FGL1: variants seen among roughly 807,000 people sequenced by gnomAD.
FGL1 encodes fibrinogen-like protein 1.
Under a neutral mutation model 43.7 loss-of-function variants are expected in FGL1, and 59 were observed. That is an observed-to-expected ratio of 1.35 (90% CI 1.10 to 1.68). The LOEUF (loss-of-function observed/expected upper bound fraction) is 1.68, where lower values mean the gene tolerates loss of function less well. Among genes scored for constraint, FGL1 ranks in the 40% most tolerant of loss-of-function variants. FGL1 has a pLI of 0.00. For missense variants in FGL1, 596 were observed against 373.0 expected (o/e 1.60, Z -4.92); for synonymous variants, 192 against 126.5 (o/e 1.52, Z -3.48).
At chr8:17,892,153 T>A (rs1379463756) in intron 1 of FGL1, among the ~76,000 whole-genome samples, 1 of 152,218 alleles carries the variant, frequency 6.6e-6, no homozygotes, top group African/African-American at 2.4e-5. Context: ...CTATCTAATT[T>A]TAAAATTTAT....
At chr8:17,881,871 T>G in intron 3 of FGL1, 128 bp downstream of exon 3, 1 of 758,140 alleles carries the variant, frequency 1.3e-6, no homozygotes, top group South Asian at 2.2e-5. Context: ...AAGAAGACAT[T>G]TACAATAGAT....
At chr8:17,872,969 G>A (rs949086710) in intron 5 of FGL1, among the ~76,000 whole-genome samples, 2 of 152,164 alleles carry the variant, frequency 1.3e-5, no homozygotes, top group African/African-American at 4.8e-5. Flanking sequence ...AAAGTAAAAT[G>A]TTAATGTAGG....
chr8:17,879,997 G>C (rs1232785693), intron 3 of FGL1, among the ~76,000 whole-genome samples: 9 of 152,178 alleles, frequency 5.9e-5, no homozygotes. Context: ...CCTCGCCCTT[G>C]AGATCAGCTT....
chr8:17,875,741 A>T (rs983829186), intron 3 of FGL1, among the ~76,000 whole-genome samples: 2 of 151,944 alleles, frequency 1.3e-5, no homozygotes, highest in Non-Finnish European at 2.9e-5. Flanking sequence ...AGTAGCTGGG[A>T]TCACAGCCAC....
rs1029511212 is a variant in FGL1, at chr8:17,875,960, T to C, written c.245-1439A>G. ...TGAGGGTGATGTAAATTAATACCCA[T>C]TGGGTCTCACCTAGGTTGATCTGTA... On this transcript the variant is annotated intron_variant, in intron 3 of 7. Transcript: ENST00000427924. 3.3e-5 allele frequency among the ~76,000 whole-genome samples: 5 copies of C among 152,080 alleles called. No individual in the cohort carries two copies. In the East Asian group the frequency reaches 5.8e-4, roughly 18 times the overall value.
chr8:17,880,779 G>T (rs138452708), intron 3 of FGL1, among the ~76,000 whole-genome samples: 91 of 152,282 alleles, frequency 6.0e-4, no homozygotes, highest in African/African-American at 2.0e-3. Context: ...TACTCTAAAA[G>T]ATACCTTTTA....
intron 1 of FGL1, among the ~76,000 whole-genome samples, chr8:17,889,186 G>A (rs530734251): frequency 1.3e-5 from 2 of 152,268 alleles, no homozygotes; most frequent in African/African-American, 2.4e-5. Context: ...CAAGTCTAAC[G>A]TGGATTGGAA....
At chr8:17,866,102 C>G (rs1221570281) in intron 7 of FGL1, among the ~76,000 whole-genome samples, 1 of 152,150 alleles carries the variant, frequency 6.6e-6, no homozygotes, top group Admixed American at 6.5e-5. Flanking sequence ...CATCTGCTAA[C>G]TATATTTTTA....
intron 3 of FGL1, among the ~76,000 whole-genome samples, chr8:17,875,511 CTTTCTTTCTTTCTTTCTTTCTTTCT>C (rs2053433948): frequency 7.3e-4 from 6 of 8,258 alleles, no homozygotes; most frequent in African/African-American, 2.2e-3. Context: ...TTCTTTCTTT[CTTTCTTTCTTTCTTTCTTTCTTTCT>C]CTTTCTTTCT....
chr8:17,876,095 C>A (rs1472276600), intron 3 of FGL1, among the ~76,000 whole-genome samples: 1 of 152,122 alleles, frequency 6.6e-6, no homozygotes, highest in Admixed American at 6.6e-5. Context: ...TCAAGAAGAG[C>A]CGTCTACAAA....
In FGL1 at chr8:17,895,520, G is replaced by A. The variant is rs1227127823; in HGVS notation, c.-91C>T. The A allele has an allele frequency of 3.9e-6, 5 of 1,286,708 alleles. No individual in the cohort carries two copies. The highest frequency in any genetic ancestry group is 4.6e-5 in the Admixed American group (2 of 43,440). The allele number at this position is 1,286,708 out of a possible 1,614,324, so 79.7% of individuals were successfully genotyped here. A position where few individuals can be genotyped will look rare whatever the true frequency, so the allele number is the denominator to read the frequency against. ...CTCTGCTTCCCAGGATCCTGTAACT[G>A]CATTGGGAATTTGTAATTATTTCTC... is the stretch of plus-strand genomic sequence containing the variant. On this transcript the variant is annotated 5_prime_UTR_variant, in exon 1 of 8. The change creates a premature stop within an existing upstream ORF in the 5' untranslated region. Coordinates refer to ENST00000427924, the MANE Select transcript of FGL1 (RefSeq NM_004467.4).
intron 1 of FGL1, among the ~76,000 whole-genome samples, chr8:17,888,577 C>T (rs1203553840): frequency 6.6e-6 from 1 of 152,126 alleles, no homozygotes. Flanking sequence ...CATTTTCATT[C>T]CGATCCTGGG....
intron 2 of FGL1, among the ~76,000 whole-genome samples, chr8:17,884,294 C>A (rs34094910): frequency 0.041 from 6,239 of 151,870 alleles, 447 homozygotes; most frequent in African/African-American, 0.14. Flanking sequence ...CTGGTTCAAG[C>A]GATTCTTGTG....
At chr8:17,871,819 C>T (rs1161762716) in intron 5 of FGL1, among the ~76,000 whole-genome samples, 3 of 152,118 alleles carry the variant, frequency 2.0e-5, no homozygotes, top group Admixed American at 1.3e-4. Context: ...CGAGATTAGC[C>T]AGCCTGAGTA....
intron 3 of FGL1, among the ~76,000 whole-genome samples, chr8:17,879,613 G>C (rs2053505029): frequency 6.6e-6 from 1 of 152,106 alleles, no homozygotes; most frequent in South Asian, 2.1e-4. Context: ...CACCATGTGA[G>C]ATGTGCCTGC....
intron 3 of FGL1, among the ~76,000 whole-genome samples, chr8:17,876,671 C>A (rs532796470): frequency 6.6e-6 from 1 of 152,012 alleles, no homozygotes; most frequent in Non-Finnish European, 1.5e-5. Flanking sequence ...AGATTTTAGC[C>A]CTATTTGGAA....
At chr8:17,888,327 TATA>T (rs1371508535) in intron 1 of FGL1, among the ~76,000 whole-genome samples, 1 of 152,168 alleles carries the variant, frequency 6.6e-6, no homozygotes, top group Non-Finnish European at 1.5e-5. Context: ...CGCTAATTAA[TATA>T]ATAAGCTTGG....
intron 1 of FGL1, among the ~76,000 whole-genome samples, chr8:17,891,077 G>T (rs1000405169): frequency 2.6e-5 from 4 of 152,082 alleles, no homozygotes; most frequent in Non-Finnish European, 4.4e-5. Flanking sequence ...TGTGTTTATT[G>T]TCTACCTACT....
intron 4 of FGL1, 30 bp downstream of exon 4, chr8:17,874,332 A>G: frequency 1.3e-6 from 2 of 1,596,586 alleles, no homozygotes; most frequent in Non-Finnish European, 8.5e-7. Flanking sequence ...TTGCTGCTAC[A>G]TATAAAGTCT....
Sources: allele counts gnomAD v4.1 joint callset (sites outside exome capture counted in the v4.1 genomes callset), GRCh38; gene constraint gnomAD v4.1.1; transcripts MANE v1.5; gene names NCBI Gene and HGNC (gene_info 2026-07-23, HGNC 2026-07-21).